Variants in STYX observed in about 807,000 individuals in gnomAD.
STYX encodes the protein serine/threonine/tyrosine interacting protein, also known as serine/threonine/tyrosine-interacting protein.
A neutral mutation model predicts 42.7 loss-of-function variants in STYX; 20 were observed. The observed-to-expected ratio is 0.47, with a 90% CI of 0.33 to 0.68. The LOEUF (loss-of-function observed/expected upper bound fraction) is 0.68. Ranked by LOEUF, STYX falls within the 30% of genes least tolerant of loss-of-function variation. The probability of loss-of-function intolerance (pLI) is 0.02; values close to 1 mark genes in which losing one functional copy is unlikely to be tolerated. For synonymous variants in STYX, 78 were observed against 81.9 expected (o/e 0.95, Z 0.26); for missense variants, 226 against 268.5 (o/e 0.84, Z 1.11).
chr14:52,755,889 G>GA (rs1361944749), intron 4 of STYX, among the ~76,000 whole-genome samples: 5 of 152,032 alleles, frequency 3.3e-5, no homozygotes, highest in Non-Finnish European at 5.9e-5. Context: ...GAAATTGGTA[G>GA]AAATAAAAGA....
At chr14:52,750,329 C>T (rs1367492622) in intron 3 of STYX, among the ~76,000 whole-genome samples, 2 of 152,096 alleles carry the variant, frequency 1.3e-5, no homozygotes, top group Non-Finnish European at 2.9e-5. Flanking sequence ...TAGTGGTTCT[C>T]TCTAAACAAT....
intron 1 of STYX, among the ~76,000 whole-genome samples, chr14:52,743,304 G>A (rs183182281): frequency 1.9e-4 from 29 of 151,846 alleles, no homozygotes; most frequent in South Asian, 4.2e-4. Flanking sequence ...TTTCTGGGCC[G>A]GGGGCAGTAG....
At position 52,756,584 on chromosome 14, in the gene STYX, T is replaced by C; in HGVS notation, c.276T>C (p.Val92=). The change falls in exon 5 of 11, where the codon GTT becomes GTC. Residue 92 remains valine (V), a synonymous_variant. Coordinates refer to ENST00000354586, the MANE Select transcript of STYX (RefSeq NM_145251.4). The part of the protein sequence containing the change: ...YLVLDIADNP[V]ENIIRFFPMT... ...TCCTGGATATTGCAGATAATCCAGTTGAAAATATAATACGTTTTTTCCCTA... is the reference window on the plus strand; with the variant it reads ...TCCTGGATATTGCAGATAATCCAGTCGAAAATATAATACGTTTTTTCCCTA... 6.5e-7 allele frequency: 1 copy of C among 1,526,756 alleles called. No homozygotes were observed. The highest frequency in any genetic ancestry group is 8.9e-7 in the Non-Finnish European group (1 of 1,124,136). The allele number at this position is 1,526,756 out of a possible 1,614,324, so 94.6% of individuals were successfully genotyped here.
chr14:52,743,220 T>C (rs1285741426), intron 1 of STYX, among the ~76,000 whole-genome samples: 1 of 151,914 alleles, frequency 6.6e-6, no homozygotes, highest in Non-Finnish European at 1.5e-5. Context: ...AAAACCTGTC[T>C]CTCATTGTAG....
intron 1 of STYX, among the ~76,000 whole-genome samples, chr14:52,739,701 G>GCAC (rs1881110458): frequency 1.5e-5 from 2 of 135,296 alleles, no homozygotes; most frequent in African/African-American, 5.6e-5. Flanking sequence ...GAGTGCAATG[G>GCAC]CACCATGATG....
At chr14:52,769,212 T>C (rs929166264) in intron 10 of STYX, among the ~76,000 whole-genome samples, 2 of 152,054 alleles carry the variant, frequency 1.3e-5, no homozygotes, top group African/African-American at 2.4e-5. Flanking sequence ...TAGAGGGCGG[T>C]TAATACAGCG....
chr14:52,751,759 G>A (rs1176108254), intron 4 of STYX, among the ~76,000 whole-genome samples: 1 of 152,184 alleles, frequency 6.6e-6, no homozygotes, highest in Non-Finnish European at 1.5e-5. Context: ...GAAAGGATAT[G>A]TAAACATATA....
Position 52,774,266 on chromosome 14 carries a change from T to C in STYX, c.*3160T>C, listed in dbSNP as rs993438612. The C allele has an allele frequency of 7.9e-5, 12 of 152,278 alleles. No individual in the cohort carries two copies. The highest frequency in any genetic ancestry group is 2.9e-4 in the African/African-American group (12 of 41,562). The allele number at this position is 152,278 out of a possible 1,614,324, so 9.4% of individuals were successfully genotyped here. A position where few individuals can be genotyped will look rare whatever the true frequency, so the allele number is the denominator to read the frequency against. Reference sequence around the variant, plus strand: ...TATTAAGAAAATATAAGGTTTCTAATTGTCTTATTAATATGGTAATTCAAG... The same window carrying C: ...TATTAAGAAAATATAAGGTTTCTAACTGTCTTATTAATATGGTAATTCAAG... On this transcript the variant is annotated 3_prime_UTR_variant, in exon 11 of 11. Transcript: ENST00000354586.
intron 10 of STYX, among the ~76,000 whole-genome samples, chr14:52,770,257 G>A (rs1882460147): frequency 6.6e-6 from 1 of 152,196 alleles, no homozygotes; most frequent in South Asian, 2.1e-4. Flanking sequence ...GAATTTTATA[G>A]TGAAACATTC....
intron 1 of STYX, among the ~76,000 whole-genome samples, chr14:52,743,835 A>G (rs1365681606): frequency 6.6e-6 from 1 of 152,080 alleles, no homozygotes; most frequent in African/African-American, 2.4e-5. Context: ...GTACTATAGT[A>G]TTTTTTTAGA....
Position 52,759,764 on chromosome 14 carries a change from C to A in STYX, c.504+10C>A. 1 of 1,582,274 alleles carries A rather than the reference C, an allele frequency of 6.3e-7. No individual in the cohort carries two copies. Among genetic ancestry groups the A allele is most frequent in the Non-Finnish European group, 8.7e-7 (1 of 1,153,420 alleles). ...TGTCCATCAACTTCAGGTAACTTTTCTTCCTCTTTAAGGCAATCAGAAGTA... is the reference window on the plus strand; with the variant it reads ...TGTCCATCAACTTCAGGTAACTTTTATTCCTCTTTAAGGCAATCAGAAGTA... On this transcript the variant is annotated intron_variant, in intron 9 of 10. Coordinates refer to ENST00000354586, the MANE Select transcript of STYX (RefSeq NM_145251.4).
At chr14:52,765,861 TC>T (rs1882284600) in intron 9 of STYX, among the ~76,000 whole-genome samples, 2 of 152,108 alleles carry the variant, frequency 1.3e-5, no homozygotes, top group Non-Finnish European at 2.9e-5. Flanking sequence ...ATGGTAATGC[TC>T]CCTGGAGTGC....
At position 52,772,610 on chromosome 14, in the gene STYX, G is replaced by A. The variant is rs929545941; in HGVS notation, c.*1504G>A. 6.6e-6 allele frequency: 1 copy of A among 152,478 alleles called. No homozygotes were observed. The highest frequency in any genetic ancestry group is 6.5e-5 in the Admixed American group (1 of 15,268). The allele number at this position is 152,478 out of a possible 1,614,324, so 9.4% of individuals were successfully genotyped here. A position where few individuals can be genotyped will look rare whatever the true frequency, so the allele number is the denominator to read the frequency against. ...TTACTAATGGGAATGATTTCTGTATGTTCCCTTGGTACCAAGAGGTACTAT... is the reference window on the plus strand; with the variant it reads ...TTACTAATGGGAATGATTTCTGTATATTCCCTTGGTACCAAGAGGTACTAT... On this transcript the variant is annotated 3_prime_UTR_variant, in exon 11 of 11. Coordinates refer to ENST00000354586, the MANE Select transcript of STYX (RefSeq NM_145251.4).
chr14:52,757,673 G>A lies in STYX; in HGVS notation c.341-70G>A, dbSNP rs935126290. ...ATAGTATATAAGGAGTTACTTTACT[G>A]TGGTTTCAATGTAGTTCAGCTACTG... On this transcript the variant is annotated intron_variant, in intron 6 of 10. Transcript: ENST00000354586. The A allele has an allele frequency of 2.4e-5, 34 of 1,396,620 alleles. No homozygotes were observed. In the Admixed American group the frequency reaches 5.1e-4, roughly 21 times the overall value. 86.5% of individuals were successfully genotyped at this position (1,396,620 alleles called of 1,614,324 possible).
At chr14:52,769,009 T>C in intron 10 of STYX, 76 bp downstream of exon 10, 1 of 1,080,030 alleles carries the variant, frequency 9.3e-7, no homozygotes, top group South Asian at 1.6e-5. Context: ...CAAGTTACAC[T>C]GAACAATTTA....
intron 1 of STYX, among the ~76,000 whole-genome samples, chr14:52,738,923 A>T (rs1566669265): frequency 6.6e-6 from 1 of 151,894 alleles, no homozygotes; most frequent in African/African-American, 2.4e-5. Flanking sequence ...AATTGCCTGT[A>T]TACCTCTACC....
At chr14:52,750,858 C>T in intron 4 of STYX, 78 bp downstream of exon 4, 2 of 955,236 alleles carry the variant, frequency 2.1e-6, no homozygotes, top group Non-Finnish European at 3.1e-6. Flanking sequence ...TGTTTCTGTA[C>T]ATATCTAGTT....
intron 1 of STYX, among the ~76,000 whole-genome samples, chr14:52,732,144 C>A (rs1428810739): frequency 6.9e-6 from 1 of 145,610 alleles, no homozygotes; most frequent in Admixed American, 7.0e-5. Context: ...TTGCCCCAGG[C>A]TGGAGTGCAG....
intron 1 of STYX, among the ~76,000 whole-genome samples, chr14:52,739,942 A>G (rs1279788865): frequency 6.6e-6 from 1 of 151,972 alleles, no homozygotes. Flanking sequence ...ATACCTGGCT[A>G]AAAAACTCAT....
Sources: allele counts gnomAD v4.1 joint callset (sites outside exome capture counted in the v4.1 genomes callset), GRCh38; gene constraint gnomAD v4.1.1; transcripts MANE v1.5; gene names NCBI Gene and HGNC (gene_info 2026-07-23, HGNC 2026-07-21).